SPAG16: variants seen among roughly 807,000 people sequenced by gnomAD.
SPAG16 encodes the protein sperm-associated antigen 16 protein.
SPAG16 carries 86 observed loss-of-function variants against 80.4 expected under a neutral mutation model. The ratio of observed to expected loss-of-function variants is 1.07; its 90% confidence interval spans 0.90 to 1.28. SPAG16 has a LOEUF of 1.28. SPAG16 is among the 50% of genes most tolerant of loss of function. The pLI is 0.00. For synonymous variants in SPAG16, 294 were observed against 265.9 expected (o/e 1.11, Z -1.03); for missense variants, 870 against 765.3 (o/e 1.14, Z -1.61).
At position 213,304,396 on chromosome 2, in the gene SPAG16, A is replaced by G. The variant is rs542155008; in HGVS notation, c.280-5663A>G. ...TTAACTGATGTGATCCCATTTGTCTATTACTTGTCTTGGATGCCTGTGCTT... is the reference window on the plus strand; with the variant it reads ...TTAACTGATGTGATCCCATTTGTCTGTTACTTGTCTTGGATGCCTGTGCTT... On this transcript the variant is annotated intron_variant, in intron 3 of 15. Coordinates refer to ENST00000331683, the MANE Select transcript of SPAG16 (RefSeq NM_024532.5). Among the ~76,000 whole-genome samples the G allele has an allele frequency of 2.0e-5, 3 of 152,054 alleles. No individual in the cohort carries two copies. The South Asian group carries it at 6.2e-4, about 32-fold the overall frequency.
chr2:213,907,576 C>A (rs1304472595), intron 11 of SPAG16, among the ~76,000 whole-genome samples: 2 of 152,016 alleles, frequency 1.3e-5, no homozygotes, highest in Non-Finnish European at 2.9e-5. Flanking sequence ...AAAGTGATAA[C>A]TGTACTCCTA....
At chr2:213,964,902 T>C (rs2044629774) in intron 12 of SPAG16, among the ~76,000 whole-genome samples, 1 of 151,800 alleles carries the variant, frequency 6.6e-6, no homozygotes, top group South Asian at 2.1e-4. Flanking sequence ...TTTGTTTAAT[T>C]ATTTAAGTGT....
intron 12 of SPAG16, among the ~76,000 whole-genome samples, chr2:213,987,924 A>G (rs1049191518): frequency 7.3e-5 from 11 of 150,158 alleles, no homozygotes; most frequent in African/African-American, 2.7e-4. Context: ...TAAAATAGAT[A>G]AAATGTAATT....
At chr2:213,537,719 T>C (rs2076299480) in intron 10 of SPAG16, among the ~76,000 whole-genome samples, 1 of 152,194 alleles carries the variant, frequency 6.6e-6, no homozygotes, top group Non-Finnish European at 1.5e-5. Flanking sequence ...ATCTACATAG[T>C]CATTGTGCTT....
At chr2:213,590,718 C>T (rs556304840) in intron 10 of SPAG16, among the ~76,000 whole-genome samples, 3 of 152,242 alleles carry the variant, frequency 2.0e-5, no homozygotes, top group South Asian at 2.1e-4. Context: ...CAAATTAGTT[C>T]AGCCCCTGTG....
intron 12 of SPAG16, among the ~76,000 whole-genome samples, chr2:213,982,996 T>A (rs1000623896): frequency 1.3e-5 from 2 of 151,998 alleles, no homozygotes; most frequent in African/African-American, 4.8e-5. Context: ...TCTAATGAAA[T>A]TTTCACTCTT....
intron 15 of SPAG16, among the ~76,000 whole-genome samples, chr2:214,365,983 T>TG (rs1699455477): frequency 6.6e-6 from 1 of 151,648 alleles, no homozygotes; most frequent in African/African-American, 2.4e-5. Flanking sequence ...TGCCAGGTTT[T>TG]TTTTTTTTTT....
chr2:213,802,395 CTCTATCTA>C (rs58879510), intron 10 of SPAG16, among the ~76,000 whole-genome samples: 2,052 of 148,118 alleles, frequency 0.014, 22 homozygotes, highest in Middle Eastern at 0.028. Flanking sequence ...TGATTCATGT[CTCTATCTA>C]TCTATCTATC....
chr2:213,762,946 C>G (rs180745132), intron 10 of SPAG16, among the ~76,000 whole-genome samples: 1 of 152,018 alleles, frequency 6.6e-6, no homozygotes. Flanking sequence ...GTTAAAAAAA[C>G]CAAATAACCT....
intron 13 of SPAG16, among the ~76,000 whole-genome samples, chr2:214,041,302 C>T (rs2048993514): frequency 6.6e-6 from 1 of 151,716 alleles, no homozygotes; most frequent in South Asian, 2.1e-4. Flanking sequence ...TTCTTTTTCA[C>T]TGTTACTTTT....
At chr2:213,323,536 G>A (rs2063717196) in intron 5 of SPAG16, among the ~76,000 whole-genome samples, 1 of 152,166 alleles carries the variant, frequency 6.6e-6, no homozygotes, top group African/African-American at 2.4e-5. Flanking sequence ...TGCAAGTGGT[G>A]CAGCCACCAC....
At chr2:213,561,232 T>C (rs1383952547) in intron 10 of SPAG16, among the ~76,000 whole-genome samples, 1 of 152,240 alleles carries the variant, frequency 6.6e-6, no homozygotes, top group Admixed American at 6.5e-5. Flanking sequence ...AGTACTTTAA[T>C]AATTTCAGTT....
chr2:213,637,290 C>T (rs1404486659), intron 10 of SPAG16, among the ~76,000 whole-genome samples: 1 of 152,158 alleles, frequency 6.6e-6, no homozygotes, highest in Non-Finnish European at 1.5e-5. Flanking sequence ...ATTCCTGCAT[C>T]CCTGTAAGAA....
At chr2:213,784,545 C>G (rs2070207159) in intron 10 of SPAG16, among the ~76,000 whole-genome samples, 1 of 136,946 alleles carries the variant, frequency 7.3e-6, no homozygotes, top group African/African-American at 2.7e-5. Flanking sequence ...TACAATTTTA[C>G]TTACGATAAA....
chr2:214,202,714 T>C (rs1423329204), intron 15 of SPAG16, among the ~76,000 whole-genome samples: 2 of 152,166 alleles, frequency 1.3e-5, no homozygotes, highest in Admixed American at 6.5e-5. Flanking sequence ...GGGTTTGAGC[T>C]AATCTGATCT....
intron 15 of SPAG16, among the ~76,000 whole-genome samples, chr2:214,149,771 TATA>T (rs1213882852): frequency 6.6e-6 from 1 of 152,160 alleles, no homozygotes; most frequent in Non-Finnish European, 1.5e-5. Flanking sequence ...CTGTGCATTC[TATA>T]ATGTTATTAT....
chr2:213,796,450 G>A (rs1458113769), intron 10 of SPAG16, among the ~76,000 whole-genome samples: 2 of 151,990 alleles, frequency 1.3e-5, no homozygotes, highest in East Asian at 1.9e-4. Flanking sequence ...GTTCATTCAC[G>A]TTGTAACATT....
At chr2:213,666,242 G>T (rs761132583) in intron 10 of SPAG16, among the ~76,000 whole-genome samples, 18 of 151,834 alleles carry the variant, frequency 1.2e-4, no homozygotes, top group Non-Finnish European at 2.4e-4. Context: ...TTTATTTCAG[G>T]GAGCTCTCAA....
rs564277232 is a variant in SPAG16, at chr2:213,889,975, G to A, written c.1214+27347G>A. Among the ~76,000 whole-genome samples the A allele has an allele frequency of 2.6e-5, 4 of 152,050 alleles. No individual in the cohort carries two copies. In the East Asian group the frequency reaches 5.8e-4, roughly 22 times the overall value. On this transcript the variant is annotated intron_variant, in intron 11 of 15. Coordinates refer to ENST00000331683, the MANE Select transcript of SPAG16 (RefSeq NM_024532.5). Reference sequence around the variant, plus strand: ...AATTGTTGAGGAATAATTTTACAGTGTGTAAGGTGGTAGATGCAGATGAAA... The same window carrying A: ...AATTGTTGAGGAATAATTTTACAGTATGTAAGGTGGTAGATGCAGATGAAA...
Sources: gnomAD v4.1 joint callset for allele counts (sites outside exome capture counted in the v4.1 genomes callset) on GRCh38, gnomAD v4.1.1 for gene constraint, MANE v1.5 for transcripts, NCBI Gene and HGNC (gene_info 2026-07-23, HGNC 2026-07-21) for gene names.